Variants in LRTM1 observed in about 807,000 individuals in gnomAD.
LRTM1 encodes leucine-rich repeat and transmembrane domain-containing protein 1.
Under a neutral mutation model 32.4 loss-of-function variants are expected in LRTM1, and 38 were observed. The ratio of observed to expected loss-of-function variants is 1.17; its 90% CI spans 0.91 to 1.54. LRTM1 has a LOEUF of 1.54. Among genes scored for constraint, LRTM1 ranks in the 40% most tolerant of loss-of-function variants. The probability of loss-of-function intolerance (pLI) is 0.00; values close to 1 mark genes in which losing one functional copy is unlikely to be tolerated. For synonymous variants in LRTM1, 186 were observed against 169.9 expected (o/e 1.09, Z -0.74); for missense variants, 466 against 415.4 (o/e 1.12, Z -1.06).
At chr3:54,920,863 C>T (rs985779982) in intron 2 of LRTM1, among the ~76,000 whole-genome samples, 4 of 152,148 alleles carry the variant, frequency 2.6e-5, no homozygotes, top group Admixed American at 2.6e-4. Context: ...TGTGTTTCTC[C>T]AGTTCCAGAC....
At chr3:54,948,059 A>G (rs896983739) in intron 1 of LRTM1, among the ~76,000 whole-genome samples, 4 of 152,186 alleles carry the variant, frequency 2.6e-5, no homozygotes, top group Admixed American at 6.5e-5. Context: ...CAGACCTTCT[A>G]CGGAGGAGAT....
intron 1 of LRTM1, among the ~76,000 whole-genome samples, chr3:54,960,928 T>C (rs192446100): frequency 1.0e-3 from 154 of 152,336 alleles, no homozygotes; most frequent in Admixed American, 2.3e-3. Context: ...TCACATTTGA[T>C]GTAAAGAAGG....
At chr3:54,920,989 T>C (rs1194491872) in intron 2 of LRTM1, among the ~76,000 whole-genome samples, 2 of 152,198 alleles carry the variant, frequency 1.3e-5, no homozygotes, top group Non-Finnish European at 2.9e-5. Flanking sequence ...TGCCAAATGC[T>C]CTGTGGTCTC....
At chr3:54,959,957 T>C (rs976015418) in intron 1 of LRTM1, among the ~76,000 whole-genome samples, 3 of 152,036 alleles carry the variant, frequency 2.0e-5, no homozygotes, top group Non-Finnish European at 4.4e-5. Context: ...TCCACAACCC[T>C]GCTAATTCTT....
chr3:54,946,998 G>A (rs530381636), intron 1 of LRTM1, among the ~76,000 whole-genome samples: 1 of 152,252 alleles, frequency 6.6e-6, no homozygotes, highest in African/African-American at 2.4e-5. Flanking sequence ...AGAATTACCT[G>A]GAGAGCCTTA....
At chr3:54,949,006 A>C (rs767972428) in intron 1 of LRTM1, among the ~76,000 whole-genome samples, 8 of 152,356 alleles carry the variant, frequency 5.3e-5, no homozygotes, top group Non-Finnish European at 8.8e-5. Context: ...AGCTGAAATC[A>C]CCAAGTTTCT....
intron 1 of LRTM1, among the ~76,000 whole-genome samples, chr3:54,936,320 C>T (rs1048748220): frequency 1.3e-5 from 2 of 152,096 alleles, no homozygotes; most frequent in African/African-American, 4.8e-5. Context: ...AGTATTCTGC[C>T]CGTGGACAGA....
chr3:54,938,645 G>C (rs2106976840), intron 1 of LRTM1, among the ~76,000 whole-genome samples: 1 of 148,004 alleles, frequency 6.8e-6, no homozygotes, highest in South Asian at 2.1e-4. Context: ...TATACATCTT[G>C]ATATAGACTC....
intron 1 of LRTM1, among the ~76,000 whole-genome samples, chr3:54,938,646 A>T (rs1160482978): frequency 6.6e-6 from 1 of 150,688 alleles, no homozygotes; most frequent in Non-Finnish European, 1.5e-5. Flanking sequence ...ATACATCTTG[A>T]TATAGACTCA....
chr3:54,926,435 C>T (rs113522758), intron 1 of LRTM1, among the ~76,000 whole-genome samples: 31 of 151,286 alleles, frequency 2.0e-4, no homozygotes, highest in African/African-American at 7.3e-4. Flanking sequence ...TTCTTATCTA[C>T]TGTGCTCCAC....
intron 1 of LRTM1, among the ~76,000 whole-genome samples, chr3:54,944,120 T>A (rs1000245591): frequency 6.6e-6 from 1 of 152,184 alleles, no homozygotes; most frequent in Non-Finnish European, 1.5e-5. Flanking sequence ...CATTTCCATA[T>A]CCTTTGGTAG....
intron 1 of LRTM1, among the ~76,000 whole-genome samples, chr3:54,964,176 T>A (rs1702092289): frequency 6.6e-6 from 1 of 152,104 alleles, no homozygotes; most frequent in Non-Finnish European, 1.5e-5. Context: ...TGGGGAAGGA[T>A]CCTATGGGAT....
chr3:54,929,950 T>G (rs1252553243), upstream of LRTM1, among the ~76,000 whole-genome samples: 1 of 152,218 alleles, frequency 6.6e-6, no homozygotes, highest in Non-Finnish European at 1.5e-5. Flanking sequence ...CATATCTACC[T>G]GTGTGCCTCT....
chr3:54,926,420 C>T (rs1015820631), intron 1 of LRTM1, among the ~76,000 whole-genome samples: 18 of 151,550 alleles, frequency 1.2e-4, no homozygotes, highest in African/African-American at 3.9e-4. Context: ...CAGAGTCTGT[C>T]AGAGTTCTTA....
chr3:54,921,238 C>T (rs960303354), intron 2 of LRTM1, among the ~76,000 whole-genome samples: 53 of 152,264 alleles, frequency 3.5e-4, no homozygotes, highest in African/African-American at 1.3e-3. Context: ...CTGAACATTA[C>T]GTAGCTGTGC....
At chr3:54,927,119 A>G (rs968569883) in intron 1 of LRTM1, among the ~76,000 whole-genome samples, 27 of 152,194 alleles carry the variant, frequency 1.8e-4, no homozygotes, top group African/African-American at 5.1e-4. Flanking sequence ...GCTTTGTTTG[A>G]TTGATTGTTT....
chr3:54,936,383 T>G (rs1231997238), intron 1 of LRTM1, among the ~76,000 whole-genome samples: 1 of 152,194 alleles, frequency 6.6e-6, no homozygotes, highest in Non-Finnish European at 1.5e-5. Flanking sequence ...TAGAATCAAG[T>G]GCAATCTCAG....
chr3:54,966,338 C>T (rs995117779), intron 1 of LRTM1, among the ~76,000 whole-genome samples: 3 of 152,154 alleles, frequency 2.0e-5, no homozygotes, highest in Non-Finnish European at 4.4e-5. Flanking sequence ...GAAATGCAGT[C>T]AACTACCATC....
At chr3:54,957,381 T>C (rs1186538484) in intron 1 of LRTM1, among the ~76,000 whole-genome samples, 1 of 152,162 alleles carries the variant, frequency 6.6e-6, no homozygotes, top group Non-Finnish European at 1.5e-5. Context: ...ACTCCTGGCT[T>C]CAAGCAGTCA....
Sources: gnomAD v4.1 joint callset for allele counts (sites outside exome capture counted in the v4.1 genomes callset) on GRCh38, gnomAD v4.1.1 for gene constraint, MANE v1.5 for transcripts, NCBI Gene and HGNC (gene_info 2026-07-23, HGNC 2026-07-21) for gene names.